Variants in TMTC1 observed in about 807,000 individuals in gnomAD.
TMTC1 encodes the protein protein O-mannosyl-transferase TMTC1.
A neutral mutation model predicts 104.8 loss-of-function variants in TMTC1; 73 were observed. The ratio of observed to expected loss-of-function variants is 0.70; its 90% confidence interval spans 0.58 to 0.85. The LOEUF (loss-of-function observed/expected upper bound fraction) is 0.85. Ranked by LOEUF, TMTC1 falls within the 40% of genes least tolerant of loss-of-function variation. The pLI is 0.00. For synonymous variants in TMTC1, 434 were observed against 428.7 expected, an observed-to-expected ratio of 1.01 and a Z score of -0.15; for missense variants, 1,035 against 1,096.1, an observed-to-expected ratio of 0.94 and a Z score of 0.79.
intron 5 of TMTC1, among the ~76,000 whole-genome samples, chr12:29,730,686 C>T (rs1265107976): frequency 6.6e-6 from 1 of 152,184 alleles, no homozygotes; most frequent in African/African-American, 2.4e-5. Flanking sequence ...AAAGATTTCA[C>T]CTGCTCTTTC....
At chr12:29,690,064 C>G (rs1941220502) in intron 5 of TMTC1, among the ~76,000 whole-genome samples, 1 of 152,170 alleles carries the variant, frequency 6.6e-6, no homozygotes. Flanking sequence ...ATAAATGGAA[C>G]TCAGTTCAAA....
In TMTC1 at chr12:29,734,929, CTG is replaced by C. The variant is rs1294355086; in HGVS notation, c.938+16735_938+16736del. On this transcript the variant is annotated intron_variant, in intron 5 of 17. Coordinates refer to ENST00000539277, the MANE Select transcript of TMTC1 (RefSeq NM_001193451.2). ...ATAGTCAGAACATAACGTGCTGAAT[CTG>C]TGTGTGTGAACTCTGCTTCTCACTA... Among the ~76,000 whole-genome samples, 17 of 152,290 alleles carry C rather than the reference CTG, an allele frequency of 1.1e-4. 1 individual carries two copies. The East Asian group carries it at 3.3e-3, about 29-fold the overall frequency.
rs185522323 is a variant in TMTC1 at position 29,628,842 on chromosome 12, A to G, written c.1128+4305T>C. On this transcript the variant is annotated intron_variant, in intron 6 of 17. Coordinates refer to ENST00000539277, the MANE Select transcript of TMTC1 (RefSeq NM_001193451.2). Reference sequence around the variant, plus strand: ...ATGCCCAGCTAATTTTTGTATTTTTAGTAGAGATGGGGTTTCACCATGTTG... The same window carrying G: ...ATGCCCAGCTAATTTTTGTATTTTTGGTAGAGATGGGGTTTCACCATGTTG... Among the ~76,000 whole-genome samples, 26 of 151,886 alleles carry G rather than the reference A, an allele frequency of 1.7e-4. No individual in the cohort carries two copies. The East Asian group carries it at 4.7e-3, about 28-fold the overall frequency.
intron 5 of TMTC1, among the ~76,000 whole-genome samples, chr12:29,713,066 T>C (rs1446358266): frequency 1.3e-5 from 2 of 151,822 alleles, no homozygotes; most frequent in East Asian, 1.9e-4. Flanking sequence ...ATCCAATCAA[T>C]TGAAGGCCTT....
chr12:29,537,483 C>T (rs1226628929), intron 10 of TMTC1, among the ~76,000 whole-genome samples: 1 of 152,190 alleles, frequency 6.6e-6, no homozygotes, highest in Non-Finnish European at 1.5e-5. Context: ...GCTCTTCCAT[C>T]ATACCATATC....
chr12:29,510,918 C>T (rs542641547), intron 17 of TMTC1, among the ~76,000 whole-genome samples: 18 of 152,210 alleles, frequency 1.2e-4, no homozygotes, highest in African/African-American at 4.3e-4. Flanking sequence ...ACCCTAGCTT[C>T]TCCCATTTCC....
chr12:29,768,544 A>C (rs1273212202), intron 1 of TMTC1, among the ~76,000 whole-genome samples: 1 of 152,202 alleles, frequency 6.6e-6, no homozygotes, highest in Non-Finnish European at 1.5e-5. Flanking sequence ...TGAAGCATGA[A>C]TGTGTTCTCT....
rs1301546590 is a variant in TMTC1 at position 29,678,841 on chromosome 12, C to A, written c.939-45505G>T. On this transcript the variant is annotated intron_variant, in intron 5 of 17. Transcript: ENST00000539277. ...ACAGAACACAATGTGAATATGGCTA[C>A]CATGAAATGGAAAAAAAAATCATGG... 3.9e-5 allele frequency among the ~76,000 whole-genome samples: 6 copies of A among 152,052 alleles called. No individual in the cohort carries two copies. The South Asian group carries it at 1.2e-3, about 32-fold the overall frequency.
chr12:29,628,599 G>A (rs751427667), intron 6 of TMTC1, among the ~76,000 whole-genome samples: 1 of 152,150 alleles, frequency 6.6e-6, no homozygotes, highest in Admixed American at 6.5e-5. Flanking sequence ...CTACTTGGAG[G>A]CTTCATCTGC....
intron 10 of TMTC1, among the ~76,000 whole-genome samples, chr12:29,555,548 C>T (rs1275242215): frequency 6.6e-6 from 1 of 151,902 alleles, no homozygotes; most frequent in African/African-American, 2.4e-5. Flanking sequence ...TTGTTCAACT[C>T]CCAATTATGA....
chr12:29,514,046 C>T (rs535795874), intron 16 of TMTC1, among the ~76,000 whole-genome samples: 4 of 152,078 alleles, frequency 2.6e-5, no homozygotes, highest in East Asian at 3.9e-4. Context: ...GGAGGGCTTC[C>T]TAAGGCAGGA....
At chr12:29,640,578 G>A (rs1938793820) in intron 5 of TMTC1, 1 of 152,156 alleles carries the variant, frequency 6.6e-6, no homozygotes, top group African/African-American at 2.4e-5. Context: ...GAGTCAATTT[G>A]GAGAGCCAAG....
chr12:29,751,771 C>T lies in TMTC1; in HGVS notation c.833G>A (p.Arg278Gln), dbSNP rs146096763. 1,995 of 1,614,030 alleles carry T rather than the reference C, an allele frequency of 1.2e-3. 3 individuals are homozygous for T. The highest frequency in any genetic ancestry group is 1.5e-3 in the Non-Finnish European group (1,768 of 1,180,002). Reference protein sequence around the residue: ...HPHRENGKQQRFPHKGAWGGC... With the variant: ...HPHRENGKQQQFPHKGAWGGC... ...ACCCCAAGCTCCTTTGTGAGGGAAC[C>T]GCTGCTGCTTCCCATTCTCCCGGTG... Residue 278 changes from arginine (R) to glutamine (Q), a missense_variant, in exon 5 of 18, where the codon CGG becomes CAG. Physicochemically the swap from Arg to Gln is conservative, Grantham distance 43 (BLOSUM62 1). Coordinates refer to ENST00000539277, the MANE Select transcript of TMTC1 (RefSeq NM_001193451.2).
At chr12:29,710,667 T>G (rs1488340519) in intron 5 of TMTC1, among the ~76,000 whole-genome samples, 1 of 141,638 alleles carries the variant, frequency 7.1e-6, no homozygotes, top group African/African-American at 2.6e-5. Context: ...TATATTATTT[T>G]TATATTTATA....
intron 5 of TMTC1, among the ~76,000 whole-genome samples, chr12:29,719,941 T>C (rs952579754): frequency 9.9e-5 from 15 of 152,208 alleles, no homozygotes; most frequent in African/African-American, 3.6e-4. Context: ...AACTAGGATA[T>C]CATGTGAACT....
chr12:29,655,633 G>GT (rs1939719818), intron 5 of TMTC1, among the ~76,000 whole-genome samples: 1 of 152,078 alleles, frequency 6.6e-6, no homozygotes, highest in African/African-American at 2.4e-5. Context: ...CTTAACAAAG[G>GT]TTTTTCATAA....
chr12:29,565,588 T>C (rs546703717), intron 9 of TMTC1, among the ~76,000 whole-genome samples: 15 of 152,334 alleles, frequency 9.8e-5, no homozygotes, highest in East Asian at 9.7e-4. Flanking sequence ...GGCTCACGCC[T>C]GTAACCCCAG....
intron 5 of TMTC1, among the ~76,000 whole-genome samples, chr12:29,708,832 T>G (rs1941822508): frequency 6.6e-6 from 1 of 152,226 alleles, no homozygotes; most frequent in Admixed American, 6.5e-5. Context: ...TCCCAAAGTT[T>G]GAAGCTTTGC....
At chr12:29,555,392 T>C (rs1279386068) in intron 10 of TMTC1, among the ~76,000 whole-genome samples, 1 of 150,948 alleles carries the variant, frequency 6.6e-6, no homozygotes, top group Non-Finnish European at 1.5e-5. Context: ...TGTTACATAG[T>C]TATACATGTG....
Sources: gnomAD v4.1 joint callset for allele counts (sites outside exome capture counted in the v4.1 genomes callset) on GRCh38, gnomAD v4.1.1 for gene constraint, MANE v1.5 for transcripts, NCBI Gene and HGNC (gene_info 2026-07-23, HGNC 2026-07-21) for gene names.